Variants in SLC25A16 observed in about 807,000 individuals in gnomAD.
SLC25A16 encodes solute carrier family 25 member 16, also known as mitochondrial coenzyme A transporter SLC25A16.
SLC25A16 carries 39 observed loss-of-function variants against 41.5 expected under a neutral mutation model. The ratio of observed to expected loss-of-function variants is 0.94; its 90% CI spans 0.73 to 1.23. The LOEUF is 1.23. Ranked by LOEUF, SLC25A16 falls within the 50% of genes most tolerant of loss-of-function variation. The pLI is 0.00. For missense variants in SLC25A16, 421 were observed against 426.9 expected (o/e 0.99, Z 0.12); for synonymous variants, 146 against 147.8 (o/e 0.99, Z 0.09).
At chr10:68,511,497 A>G (rs2053062815) in intron 2 of SLC25A16, among the ~76,000 whole-genome samples, 1 of 152,202 alleles carries the variant, frequency 6.6e-6, no homozygotes, top group Non-Finnish European at 1.5e-5. Flanking sequence ...AAATCAGGAA[A>G]CAAAACAGCA....
chr10:68,509,753 A>ATCTATATCTATATATATC (rs2053026731), intron 2 of SLC25A16, among the ~76,000 whole-genome samples: 1 of 141,120 alleles, frequency 7.1e-6, no homozygotes, highest in African/African-American at 2.9e-5. Flanking sequence ...CTATATATAT[A>ATCTATATCTATATATATC]GATATATAGA....
At chr10:68,510,676 T>C (rs1249403835) in intron 2 of SLC25A16, among the ~76,000 whole-genome samples, 1 of 150,442 alleles carries the variant, frequency 6.6e-6, no homozygotes, top group Non-Finnish European at 1.5e-5. Flanking sequence ...CCATCTCTAC[T>C]AAAAATACAA....
rs1489814203 is a variant in SLC25A16 at position 68,527,501 on chromosome 10, C to T, written c.-126G>A. 2.2e-6 allele frequency: 2 copies of T among 908,748 alleles called. No homozygotes were observed. The highest frequency in any genetic ancestry group is 6.4e-5 in the East Asian group (2 of 31,196). 56.3% of individuals were successfully genotyped at this position (908,748 alleles called of 1,614,324 possible). On this transcript the variant is annotated 5_prime_UTR_variant, in exon 1 of 9. Coordinates refer to ENST00000609923, the MANE Select transcript of SLC25A16 (RefSeq NM_152707.4). ...GGCGGGGCAAAGTAACACCCGGCGG[C>T]GCGGCGCCGGCTGATGGCGTACAGC...
rs543083329 is a variant in SLC25A16 at position 68,516,722 on chromosome 10, A to C, written c.223+29T>G. The C allele has an allele frequency of 3.5e-6, 5 of 1,434,316 alleles. No individual in the cohort carries two copies. In the South Asian group the frequency reaches 6.3e-5, roughly 18 times the overall value. The allele number at this position is 1,434,316 out of a possible 1,614,324, so 88.8% of individuals were successfully genotyped here. A position where few individuals can be genotyped will look rare whatever the true frequency, so the allele number is the denominator to read the frequency against. On this transcript the variant is annotated intron_variant, in intron 2 of 8. Coordinates refer to ENST00000609923, the MANE Select transcript of SLC25A16 (RefSeq NM_152707.4). Reference sequence around the variant, plus strand: ...CCCACTTTCCACAATATTTTCATTCATTTTTATCTTTAGCATCTATTAACT... The same window carrying C: ...CCCACTTTCCACAATATTTTCATTCCTTTTTATCTTTAGCATCTATTAACT...
chr10:68,526,248 T>G (rs917565813), intron 1 of SLC25A16, among the ~76,000 whole-genome samples: 11 of 151,744 alleles, frequency 7.2e-5, no homozygotes, highest in Non-Finnish European at 1.0e-4. Flanking sequence ...AAAAACCGCC[T>G]TAGGGCTGGA....
intron 2 of SLC25A16, among the ~76,000 whole-genome samples, chr10:68,512,434 G>A (rs1310949019): frequency 1.5e-5 from 2 of 136,830 alleles, no homozygotes; most frequent in African/African-American, 5.7e-5. Flanking sequence ...TCAGGAGATC[G>A]AGACCATCCC....
intron 4 of SLC25A16, among the ~76,000 whole-genome samples, chr10:68,497,711 G>A (rs1383928837): frequency 1.3e-5 from 2 of 151,088 alleles, no homozygotes. Context: ...CCGCCTCCCG[G>A]GTTCAAGCAA....
At chr10:68,488,742 T>A in intron 6 of SLC25A16, 113 bp from the exon 7 acceptor site, 1 of 841,642 alleles carries the variant, frequency 1.2e-6, no homozygotes, top group Non-Finnish European at 1.8e-6. Context: ...TGGCTTAATT[T>A]AAAATAGAAA....
chr10:68,499,650 A>G, intron 4 of SLC25A16: 1 of 357,966 alleles, frequency 2.8e-6, no homozygotes, highest in Non-Finnish European at 5.5e-6. Context: ...GAGCTGAGAC[A>G]GAAATACAAT....
intron 6 of SLC25A16, among the ~76,000 whole-genome samples, chr10:68,488,993 G>A (rs1046207260): frequency 6.6e-6 from 1 of 152,186 alleles, no homozygotes; most frequent in South Asian, 2.1e-4. Flanking sequence ...ATGATGGCCG[G>A]GCGTGGTGGC....
Position 68,495,804 on chromosome 10 carries a change from GA to G in SLC25A16, c.422-2235del, listed in dbSNP as rs1395478528. Among the ~76,000 whole-genome samples, 8 of 86,740 alleles carry G rather than the reference GA, an allele frequency of 9.2e-5. No homozygotes were observed. The East Asian group carries it at 2.8e-3, about 30-fold the overall frequency. The allele number at this position is 86,740 out of a possible 152,430, so 56.9% of individuals were successfully genotyped here. On this transcript the variant is annotated intron_variant, in intron 4 of 8. Transcript: ENST00000609923. ...CTCAAAAAAAAAAAAAAAAAAAAGA[GA>G]AAAGAGTATAAACTGTAGAGTGCAC...
Position 68,483,346 on chromosome 10 carries a change from T to C in SLC25A16, c.*86A>G. 2.3e-6 allele frequency: 2 copies of C among 868,326 alleles called. No homozygotes were observed. The highest frequency in any genetic ancestry group is 2.5e-5 in the East Asian group (1 of 39,284). 53.8% of individuals were successfully genotyped at this position (868,326 alleles called of 1,614,324 possible). A position where few individuals can be genotyped will look rare whatever the true frequency, so the allele number is the denominator to read the frequency against. On this transcript the variant is annotated 3_prime_UTR_variant, in exon 9 of 9. Transcript: ENST00000609923. Reference sequence around the variant, plus strand: ...TCTTGTGACAGGGTAAATATCCCCATTCAAGTAATGTTCCCCCCACAATTA... The same window carrying C: ...TCTTGTGACAGGGTAAATATCCCCACTCAAGTAATGTTCCCCCCACAATTA...
At chr10:68,524,672 C>A (rs2053306257) in intron 1 of SLC25A16, among the ~76,000 whole-genome samples, 1 of 146,858 alleles carries the variant, frequency 6.8e-6, no homozygotes, top group African/African-American at 2.5e-5. Flanking sequence ...TGCGCCACTG[C>A]ACTCCAGCCT....
rs1198996420 is a variant in SLC25A16 at position 68,487,228 on chromosome 10, G to A, written c.774-16C>T. 6.2e-7 allele frequency: 1 copy of A among 1,609,930 alleles called. No individual in the cohort carries two copies. The highest frequency in any genetic ancestry group is 2.2e-5 in the East Asian group (1 of 44,816). On this transcript the variant is annotated splice_polypyrimidine_tract_variant and intron_variant, in intron 7 of 8. Coordinates refer to ENST00000609923, the MANE Select transcript of SLC25A16 (RefSeq NM_152707.4). ...AAATGGGTAGCTAAAAGAAGAAAAA[G>A]GCATAAAGAATTAAAAATTTTTGGT...
Position 68,481,281 on chromosome 10 carries a change from G to A in SLC25A16, c.*2151C>T, listed in dbSNP as rs1032813007. ...ATTACAGGCGTGAGCCACCACATCT[G>A]GCCAAGAACACATGTATTTCTACCT... On this transcript the variant is annotated 3_prime_UTR_variant, in exon 9 of 9. Coordinates refer to ENST00000609923, the MANE Select transcript of SLC25A16 (RefSeq NM_152707.4). 2 of 151,964 alleles carry A rather than the reference G, an allele frequency of 1.3e-5. No homozygotes were observed. Among genetic ancestry groups the A allele is most frequent in the African/African-American group, 4.8e-5 (2 of 41,354 alleles). 9.4% of individuals were successfully genotyped at this position (151,964 alleles called of 1,614,324 possible).
At chr10:68,520,493 T>C (rs2053232472) in intron 1 of SLC25A16, among the ~76,000 whole-genome samples, 1 of 151,998 alleles carries the variant, frequency 6.6e-6, no homozygotes, top group Non-Finnish European at 1.5e-5. Flanking sequence ...CTGGCCAACT[T>C]GGTGAAACCC....
intron 6 of SLC25A16, among the ~76,000 whole-genome samples, chr10:68,492,704 C>A (rs950334411): frequency 6.6e-6 from 1 of 152,056 alleles, no homozygotes; most frequent in Admixed American, 6.6e-5. Context: ...AAAAACAGGA[C>A]TGTAAACAAG....
chr10:68,485,443 G>C lies in SLC25A16; in HGVS notation c.842+1701C>G, dbSNP rs187724615. Among the ~76,000 whole-genome samples the C allele has an allele frequency of 9.9e-5, 15 of 151,916 alleles. No individual in the cohort carries two copies. The East Asian group carries it at 2.9e-3, about 30-fold the overall frequency. On this transcript the variant is annotated intron_variant, in intron 8 of 8. Coordinates refer to ENST00000609923, the MANE Select transcript of SLC25A16 (RefSeq NM_152707.4). Reference sequence around the variant, plus strand: ...TCTGTCGCCCAGGCTGGAGTGCAGTGGCATGATCTTGGCTAACTGCAACCT... The same window carrying C: ...TCTGTCGCCCAGGCTGGAGTGCAGTCGCATGATCTTGGCTAACTGCAACCT...
intron 4 of SLC25A16, chr10:68,496,389 A>T (rs1257830895): frequency 1.4e-6 from 1 of 717,964 alleles, no homozygotes; most frequent in African/African-American, 1.9e-5. Context: ...AAGAAGGCCA[A>T]AAAAGCCCTC....
Sources: gnomAD v4.1 joint callset for allele counts (sites outside exome capture counted in the v4.1 genomes callset) on GRCh38, gnomAD v4.1.1 for gene constraint, MANE v1.5 for transcripts, NCBI Gene and HGNC (gene_info 2026-07-23, HGNC 2026-07-21) for gene names.